The following IL1RAPL1 variants were observed in gnomAD, a reference collection of about 807,000 sequenced individuals.
IL1RAPL1 encodes the protein interleukin 1 receptor accessory protein like 1, also known as interleukin-1 receptor accessory protein-like 1.
In IL1RAPL1, 3 loss-of-function variants were observed where a neutral mutation model predicts 48.4. That is an observed-to-expected ratio of 0.06 (90% CI 0.03 to 0.16). The LOEUF is 0.16. Among genes scored for constraint, IL1RAPL1 ranks in the 10% least tolerant of loss-of-function variants. The probability of loss-of-function intolerance (pLI) is 1.00; values close to 1 mark genes in which losing one functional copy is unlikely to be tolerated. For missense variants in IL1RAPL1, 349 were observed against 530.6 expected (o/e 0.66, Z 3.36); for synonymous variants, 185 against 187.7 (o/e 0.99, Z 0.12).
chrX:29,710,589 T>C (rs1273866990), intron 6 of IL1RAPL1, among the ~76,000 whole-genome samples: 1 of 105,767 alleles, frequency 9.5e-6, no homozygotes, highest in Non-Finnish European at 1.9e-5. Context: ...TATACACACA[T>C]ACATATATGT....
chrX:28,830,811 C>T (rs1053941300), intron 2 of IL1RAPL1, among the ~76,000 whole-genome samples: 12 of 110,478 alleles, frequency 1.1e-4, no homozygotes, highest in African/African-American at 4.0e-4. Flanking sequence ...CCCTGAAGCT[C>T]CAGGGTTTGT....
At chrX:29,081,792 C>T (rs956971630) in intron 2 of IL1RAPL1, among the ~76,000 whole-genome samples, 11 of 109,534 alleles carry the variant, frequency 1.0e-4, no homozygotes, top group Non-Finnish European at 1.9e-4. Context: ...TTAGAAGTTT[C>T]ATCTGCCTGG....
At chrX:29,550,566 A>G (rs1282263419) in intron 5 of IL1RAPL1, among the ~76,000 whole-genome samples, 1 of 112,092 alleles carries the variant, frequency 8.9e-6, no homozygotes, top group Non-Finnish European at 1.9e-5. Context: ...ATTCCCAATT[A>G]AAAAAATTAT....
intron 5 of IL1RAPL1, among the ~76,000 whole-genome samples, chrX:29,608,692 G>T (rs1286218986): frequency 3.0e-5 from 3 of 99,861 alleles, no homozygotes; most frequent in African/African-American, 1.2e-4. Context: ...CGGGCGTGGT[G>T]GCGGGCGCCT....
chrX:28,825,790 T>C (rs1936988801), intron 2 of IL1RAPL1, among the ~76,000 whole-genome samples: 1 of 110,583 alleles, frequency 9.0e-6, no homozygotes. Context: ...TAGTATGCTA[T>C]TTTTTTGAAT....
chrX:29,089,288 A>C (rs1354463762), intron 2 of IL1RAPL1, among the ~76,000 whole-genome samples: 1 of 111,385 alleles, frequency 9.0e-6, no homozygotes, highest in Non-Finnish European at 1.9e-5. Context: ...ATGGTGCACT[A>C]CATGATGATT....
intron 2 of IL1RAPL1, among the ~76,000 whole-genome samples, chrX:29,102,101 T>G (rs1244478271): frequency 9.0e-6 from 1 of 111,113 alleles, no homozygotes; most frequent in African/African-American, 3.3e-5. Context: ...AAAAAGCATT[T>G]GATAAAATTC....
At chrX:28,939,182 G>T (rs1415953626) in intron 2 of IL1RAPL1, among the ~76,000 whole-genome samples, 1 of 110,802 alleles carries the variant, frequency 9.0e-6, no homozygotes, top group East Asian at 2.8e-4. Context: ...CCATTACTGG[G>T]TATATGCCCA....
chrX:29,019,594 GGGA>G (rs1216639312), intron 2 of IL1RAPL1, among the ~76,000 whole-genome samples: 5 of 111,110 alleles, frequency 4.5e-5, no homozygotes, highest in African/African-American at 1.6e-4. Flanking sequence ...GGTGACAATG[GGGA>G]TAAAATTGAG....
At chrX:29,333,527 G>A (rs1778619814) in intron 3 of IL1RAPL1, among the ~76,000 whole-genome samples, 2 of 94,518 alleles carry the variant, frequency 2.1e-5, no homozygotes, top group East Asian at 3.4e-4. Flanking sequence ...CTGGCCAGGC[G>A]GGGGGCTGAT....
intron 5 of IL1RAPL1, among the ~76,000 whole-genome samples, chrX:29,417,620 G>A (rs1425727980): frequency 8.9e-6 from 1 of 111,793 alleles, no homozygotes; most frequent in Non-Finnish European, 1.9e-5. Flanking sequence ...TGGCATCAAA[G>A]ATTGTTTACA....
intron 5 of IL1RAPL1, among the ~76,000 whole-genome samples, chrX:29,470,781 G>T (rs1269301379): frequency 1.8e-5 from 2 of 110,245 alleles, no homozygotes; most frequent in Non-Finnish European, 3.8e-5. Flanking sequence ...CTACAAGTAT[G>T]CATCGTGTCT....
At chrX:29,162,930 A>AG (rs1484187253) in intron 2 of IL1RAPL1, among the ~76,000 whole-genome samples, 1 of 109,675 alleles carries the variant, frequency 9.1e-6, no homozygotes, top group Non-Finnish European at 1.9e-5. Context: ...AAAATTAGCC[A>AG]GGCATGGTGG....
intron 2 of IL1RAPL1, among the ~76,000 whole-genome samples, chrX:29,099,166 C>T (rs1283767358): frequency 9.0e-6 from 1 of 111,279 alleles, no homozygotes; most frequent in Non-Finnish European, 1.9e-5. Flanking sequence ...CAAAACAAAA[C>T]AAAACAAAAC....
At chrX:29,658,975 A>G (rs1299159878) in intron 5 of IL1RAPL1, among the ~76,000 whole-genome samples, 1 of 112,289 alleles carries the variant, frequency 8.9e-6, no homozygotes, top group East Asian at 2.8e-4. Flanking sequence ...CAACTGCCCA[A>G]AGCAATTGAC....
intron 9 of IL1RAPL1, 146 bp from the exon 10 acceptor site, chrX:29,954,376 C>T (rs1933376905): frequency 2.1e-6 from 1 of 487,004 alleles, no homozygotes; most frequent in East Asian, 3.8e-5. Context: ...TCATTGAACT[C>T]AATGAAACTT....
At chrX:28,870,576 T>A (rs1345166962) in intron 2 of IL1RAPL1, among the ~76,000 whole-genome samples, 1 of 111,830 alleles carries the variant, frequency 8.9e-6, no homozygotes, top group Non-Finnish European at 1.9e-5. Flanking sequence ...ACCCCTATGG[T>A]AACACATGGA....
intron 5 of IL1RAPL1, among the ~76,000 whole-genome samples, chrX:29,434,095 G>A (rs1426205257): frequency 1.9e-5 from 2 of 106,442 alleles, no homozygotes; most frequent in Admixed American, 2.0e-4. Flanking sequence ...TTTATGTGTA[G>A]GTATTTTTTT....
intron 2 of IL1RAPL1, among the ~76,000 whole-genome samples, chrX:28,981,335 C>T (rs1601993306): frequency 1.8e-5 from 2 of 108,596 alleles, no homozygotes; most frequent in African/African-American, 3.4e-5. Flanking sequence ...CACCTGAAAA[C>T]GATCCTAAAA....
Sources: allele counts gnomAD v4.1 joint callset (sites outside exome capture counted in the v4.1 genomes callset), GRCh38; gene constraint gnomAD v4.1.1; transcripts MANE v1.5; gene names NCBI Gene and HGNC (gene_info 2026-07-23, HGNC 2026-07-21).